ADGRV1: variants seen among roughly 807,000 people sequenced by gnomAD.
The protein encoded by ADGRV1 is adhesion G protein-coupled receptor V1.
ADGRV1 carries 359 observed loss-of-function variants against 596.2 expected under a neutral mutation model. That is an observed-to-expected ratio of 0.60 (90% confidence interval 0.55 to 0.66). ADGRV1 has a LOEUF of 0.66. ADGRV1 is among the 30% of genes least tolerant of loss of function. ADGRV1 has a pLI of 0.00. For missense variants in ADGRV1, 7,274 were observed against 7,575.6 expected (o/e 0.96, Z 1.48); for synonymous variants, 2,681 against 2,679.2 (o/e 1.00, Z -0.02).
At chr5:90,821,675 G>A (rs1009349147) in intron 75 of ADGRV1, among the ~76,000 whole-genome samples, 17 of 151,646 alleles carry the variant, frequency 1.1e-4, no homozygotes, top group South Asian at 2.1e-4. Flanking sequence ...ATAGCCTGCC[G>A]TGTGAGGTGT....
chr5:90,972,827 C>T (rs533200253), intron 84 of ADGRV1, among the ~76,000 whole-genome samples: 3 of 152,058 alleles, frequency 2.0e-5, no homozygotes, highest in Non-Finnish European at 2.9e-5. Flanking sequence ...CAAAAGCTAG[C>T]AGAAGACAAG....
intron 85 of ADGRV1, among the ~76,000 whole-genome samples, chr5:91,034,322 A>G (rs1295353657): frequency 6.6e-6 from 1 of 152,222 alleles, no homozygotes; most frequent in African/African-American, 2.4e-5. Flanking sequence ...TACATAACAC[A>G]GAACTCATGG....
chr5:90,976,953 A>G (rs6860068), intron 84 of ADGRV1, among the ~76,000 whole-genome samples: 75,883 of 151,788 alleles, frequency 0.5, 20,542 homozygotes, highest in African/African-American at 0.71. Flanking sequence ...TTACAGTTGT[A>G]CTTGAGCATT....
Position 90,672,626 on chromosome 5 carries a change from C to G in ADGRV1, c.4833C>G (p.Thr1611=), listed in dbSNP as rs1338835022. Residue 1611 remains threonine, a synonymous_variant, in exon 22 of 90, where the codon ACC becomes ACG. Coordinates refer to ENST00000405460, the MANE Select transcript of ADGRV1 (RefSeq NM_032119.4). ...GALDYVHVFY[T]ISQIETDGIN... is the part of the protein sequence containing the mutation. ...TGGATTATGTGCATGTTTTTTACAC[C>G]ATTTCACAGATTGAAACTGATGGCA... The G allele has an allele frequency of 6.2e-7, 1 of 1,613,524 alleles. No individual in the cohort carries two copies. Among genetic ancestry groups the G allele is most frequent in the African/African-American group, 1.3e-5 (1 of 75,010 alleles).
At chr5:90,596,119 G>C (rs190618868) in intron 1 of ADGRV1, among the ~76,000 whole-genome samples, 3 of 148,056 alleles carry the variant, frequency 2.0e-5, no homozygotes, top group South Asian at 2.1e-4. Flanking sequence ...ATGGGGTGGC[G>C]GCCGGGCAGA....
intron 85 of ADGRV1, among the ~76,000 whole-genome samples, chr5:91,018,074 A>G (rs7709199): frequency 7.3e-4 from 111 of 152,086 alleles, no homozygotes; most frequent in African/African-American, 2.5e-3. Context: ...GATCTTCTAT[A>G]TTCACTTAGA....
chr5:90,824,004 A>G (rs1270339049), intron 76 of ADGRV1, among the ~76,000 whole-genome samples: 1 of 152,222 alleles, frequency 6.6e-6, no homozygotes, highest in Non-Finnish European at 1.5e-5. Flanking sequence ...TTAATAAAAG[A>G]CATGTCGATA....
rs568935922 is a variant in ADGRV1 at position 90,722,837 on chromosome 5, G to C, written c.9748+1778G>C. On this transcript the variant is annotated intron_variant, in intron 45 of 89. Transcript: ENST00000405460. ...GTCATGGAAATTGATGTAATAATCTGAAAAGAAAGGCTGAAGATGGAGAAG... is the reference window on the plus strand; with the variant it reads ...GTCATGGAAATTGATGTAATAATCTCAAAAGAAAGGCTGAAGATGGAGAAG... Among the ~76,000 whole-genome samples, 53 of 143,600 alleles carry C rather than the reference G, an allele frequency of 3.7e-4. 1 individual carries two copies. The highest frequency in any genetic ancestry group is 6.5e-4 in the Non-Finnish European group (43 of 66,546). 94.2% of individuals were successfully genotyped at this position (143,600 alleles called of 152,430 possible). A position where few individuals can be genotyped will look rare whatever the true frequency, so the allele number is the denominator to read the frequency against.
At chr5:90,660,257 T>C (rs1261180720) in intron 21 of ADGRV1, among the ~76,000 whole-genome samples, 1 of 152,198 alleles carries the variant, frequency 6.6e-6, no homozygotes, top group Non-Finnish European at 1.5e-5. Context: ...AAATGAGTTA[T>C]CAATATTTAA....
intron 87 of ADGRV1, among the ~76,000 whole-genome samples, chr5:91,118,877 A>C (rs1478359020): frequency 6.6e-6 from 1 of 152,152 alleles, no homozygotes; most frequent in Admixed American, 6.5e-5. Context: ...GTGAACTCAT[A>C]GGGGATTCTC....
chr5:90,887,988 C>T (rs539163928), intron 83 of ADGRV1, among the ~76,000 whole-genome samples: 2 of 152,198 alleles, frequency 1.3e-5, no homozygotes, highest in African/African-American at 4.8e-5. Flanking sequence ...GTAGGCATTT[C>T]CCTACAGAGT....
intron 71 of ADGRV1, among the ~76,000 whole-genome samples, chr5:90,803,502 C>T (rs1191674943): frequency 6.6e-6 from 1 of 152,126 alleles, no homozygotes; most frequent in African/African-American, 2.4e-5. Flanking sequence ...ATAATTCTAT[C>T]CTACTCCTTC....
In ADGRV1 at chr5:90,706,218, C is replaced by A; in HGVS notation, c.8567-13C>A. On this transcript the variant is annotated splice_polypyrimidine_tract_variant and intron_variant, in intron 37 of 89. Coordinates refer to ENST00000405460, the MANE Select transcript of ADGRV1 (RefSeq NM_032119.4). ...AGATAATTATAAAACATTTTTGCAA[C>A]CTATTCAATTAGGAGCTATCAATGT... The A allele has an allele frequency of 6.3e-7, 1 of 1,582,742 alleles. No individual in the cohort carries two copies.
At chr5:90,974,387 G>A (rs1330921408) in intron 84 of ADGRV1, among the ~76,000 whole-genome samples, 1 of 152,148 alleles carries the variant, frequency 6.6e-6, no homozygotes, top group Non-Finnish European at 1.5e-5. Context: ...AGCCTGCACT[G>A]CCAAGACAAT....
chr5:90,908,893 T>C (rs1772572654), intron 83 of ADGRV1, among the ~76,000 whole-genome samples: 2 of 152,114 alleles, frequency 1.3e-5, no homozygotes, highest in Non-Finnish European at 2.9e-5. Context: ...GAATAATCAC[T>C]ATAGGAATTC....
At chr5:91,048,837 TTAAA>T (rs1422203225) in intron 85 of ADGRV1, among the ~76,000 whole-genome samples, 6 of 152,188 alleles carry the variant, frequency 3.9e-5, no homozygotes, top group African/African-American at 1.4e-4. Context: ...GTAAAGTGAC[TTAAA>T]TAAATGAAAG....
At chr5:90,724,676 T>G (rs963641196) in intron 45 of ADGRV1, among the ~76,000 whole-genome samples, 156 bp from the exon 46 acceptor site, 5 of 152,216 alleles carry the variant, frequency 3.3e-5, no homozygotes, top group African/African-American at 1.2e-4. Context: ...ATTTTAAAGT[T>G]TTCCCACTTG....
chr5:91,044,119 G>GAATCTCTCTATC (rs1443725604), intron 85 of ADGRV1, among the ~76,000 whole-genome samples: 2 of 151,998 alleles, frequency 1.3e-5, no homozygotes. Flanking sequence ...GTAGATGCAT[G>GAATCTCTCTATC]AATCTCTCTA....
At chr5:91,039,093 A>C (rs1785130644) in intron 85 of ADGRV1, among the ~76,000 whole-genome samples, 1 of 152,202 alleles carries the variant, frequency 6.6e-6, no homozygotes, top group South Asian at 2.1e-4. Context: ...CTTCCAATAT[A>C]TAAGTTATTC....
Sources: allele counts gnomAD v4.1 joint callset (sites outside exome capture counted in the v4.1 genomes callset), GRCh38; gene constraint gnomAD v4.1.1; transcripts MANE v1.5; gene names NCBI Gene and HGNC (gene_info 2026-07-23, HGNC 2026-07-21).